ARIH1: variants seen among roughly 807,000 people sequenced by gnomAD.
ARIH1 encodes the protein E3 ubiquitin-protein ligase ARIH1.
ARIH1 carries 8 observed loss-of-function variants against 85.0 expected under a neutral mutation model. That is an observed-to-expected ratio of 0.09 (90% confidence interval 0.06 to 0.17). The LOEUF is 0.17. ARIH1 is among the 10% of genes least tolerant of loss of function. The probability of loss-of-function intolerance (pLI) is 1.00; values close to 1 mark genes in which losing one functional copy is unlikely to be tolerated. For synonymous variants in ARIH1, 238 were observed against 253.6 expected (o/e 0.94, Z 0.59); for missense variants, 311 against 718.1 (o/e 0.43, Z 6.48).
In ARIH1 at chr15:72,597,591, A is replaced by T. The variant is rs1324884756; in HGVS notation, c.*14299A>T. On this transcript the variant is annotated 3_prime_UTR_variant, in exon 14 of 14. Transcript: ENST00000379887. ...AAGAGTGCCTCTGTTGGATTTCACA[A>T]CAATCCTGCCTCCCCTTTCATTTTT... is the stretch of plus-strand genomic sequence containing the variant. 1 of 152,132 alleles carries T rather than the reference A, an allele frequency of 6.6e-6. No individual in the cohort carries two copies. Among genetic ancestry groups the T allele is most frequent in the Non-Finnish European group, 1.5e-5 (1 of 68,024 alleles). The allele number at this position is 152,132 out of a possible 1,614,324, so 9.4% of individuals were successfully genotyped here.
intron 11 of ARIH1, among the ~76,000 whole-genome samples, chr15:72,578,436 C>G (rs766807295): frequency 1.3e-5 from 2 of 152,128 alleles, no homozygotes; most frequent in Non-Finnish European, 2.9e-5. Flanking sequence ...ACATTTCTCT[C>G]AATGTGAATG....
chr15:72,527,500 C>T (rs907969062), intron 2 of ARIH1, among the ~76,000 whole-genome samples: 3 of 150,934 alleles, frequency 2.0e-5, no homozygotes, highest in Non-Finnish European at 2.9e-5. Context: ...GTTTACCTTG[C>T]TAGCTTTTTT....
intron 2 of ARIH1, among the ~76,000 whole-genome samples, chr15:72,534,097 A>G (rs1175485057): frequency 6.6e-6 from 1 of 152,176 alleles, no homozygotes; most frequent in Non-Finnish European, 1.5e-5. Context: ...TCTTAAAAAC[A>G]TAGTGAAAAG....
chr15:72,534,209 G>A (rs923372248), intron 2 of ARIH1, among the ~76,000 whole-genome samples: 10 of 152,126 alleles, frequency 6.6e-5, no homozygotes, highest in South Asian at 2.1e-4. Flanking sequence ...GTGTGTTTAG[G>A]TGGTGTAGCT....
rs528066177 is a variant in ARIH1 at position 72,568,217 on chromosome 15, A to G, written c.1026+1040A>G. Among the ~76,000 whole-genome samples, 327 of 152,302 alleles carry G rather than the reference A, an allele frequency of 2.1e-3. 2 individuals carry two copies. The highest frequency in any genetic ancestry group is 7.5e-3 in the African/African-American group (313 of 41,550). ...AATCAAAGAAAACCTTACTATAAAT[A>G]TACTGTAATGTCAGAAAGTGGTTAC... On this transcript the variant is annotated intron_variant, in intron 9 of 13. Transcript: ENST00000379887.
At chr15:72,538,537 C>T (rs968864270) in intron 2 of ARIH1, among the ~76,000 whole-genome samples, 4 of 152,142 alleles carry the variant, frequency 2.6e-5, no homozygotes, top group East Asian at 1.9e-4. Flanking sequence ...ATTAAATATT[C>T]GAATGGCAGT....
intron 2 of ARIH1, among the ~76,000 whole-genome samples, chr15:72,528,097 C>A (rs996321885): frequency 5.3e-5 from 8 of 152,026 alleles, no homozygotes; most frequent in Admixed American, 3.3e-4. Context: ...GTCTTTCTTG[C>A]AGCTCAGATT....
chr15:72,531,603 C>A (rs967294759), intron 2 of ARIH1, among the ~76,000 whole-genome samples: 2 of 151,994 alleles, frequency 1.3e-5, no homozygotes, highest in African/African-American at 4.8e-5. Context: ...AGTAAAACTA[C>A]AAAATCAGCA....
In ARIH1 at chr15:72,475,775, ACT is replaced by A. The variant is rs779005814; in HGVS notation, c.375+764_375+765del. Reference sequence around the variant, plus strand: ...GCAGTGTTGTCTAATATTGGACAAGACTCTATTGTGAGTTAGAAAGCAGAGGT... The same window carrying A: ...GCAGTGTTGTCTAATATTGGACAAGACTATTGTGAGTTAGAAAGCAGAGGT... On this transcript the variant is annotated intron_variant, in intron 1 of 13. Transcript: ENST00000379887. Among the ~76,000 whole-genome samples, 67 of 152,186 alleles carry A rather than the reference ACT, an allele frequency of 4.4e-4. 1 individual carries two copies. The Middle Eastern group carries it at 0.014, about 31-fold the overall frequency.
chr15:72,496,190 CA>C lies in ARIH1; in HGVS notation c.375+21177del, dbSNP rs1248422624. ...AAGTGTTGGGATTACAAGCTTGAGC[CA>C]CTGTGCCTGGCCATAGTTTTGTATA... On this transcript the variant is annotated intron_variant, in intron 1 of 13. Coordinates refer to ENST00000379887, the MANE Select transcript of ARIH1 (RefSeq NM_005744.5). 3.3e-5 allele frequency among the ~76,000 whole-genome samples: 5 copies of C among 152,268 alleles called. No homozygotes were observed. The South Asian group carries it at 8.3e-4, about 25-fold the overall frequency.
intron 3 of ARIH1, among the ~76,000 whole-genome samples, chr15:72,549,380 G>A (rs946309991): frequency 6.6e-6 from 1 of 152,030 alleles, no homozygotes; most frequent in Non-Finnish European, 1.5e-5. Context: ...GAGCCGCCAC[G>A]GCCAGCCAGT....
At chr15:72,499,651 T>C (rs2063894794) in intron 1 of ARIH1, among the ~76,000 whole-genome samples, 1 of 152,198 alleles carries the variant, frequency 6.6e-6, no homozygotes, top group South Asian at 2.1e-4. Flanking sequence ...TTTTAACAGG[T>C]CTAATTTCAA....
chr15:72,512,116 T>G (rs909730226), intron 1 of ARIH1, among the ~76,000 whole-genome samples: 50 of 152,208 alleles, frequency 3.3e-4, no homozygotes, highest in African/African-American at 1.1e-3. Flanking sequence ...GTAGTAATTT[T>G]CTTGAAATGT....
intron 5 of ARIH1, among the ~76,000 whole-genome samples, chr15:72,556,793 C>T (rs146106507): frequency 6.6e-6 from 1 of 152,184 alleles, no homozygotes; most frequent in African/African-American, 2.4e-5. Context: ...ATTTAGCTCT[C>T]ACTTATAAAT....
intron 1 of ARIH1, among the ~76,000 whole-genome samples, chr15:72,507,004 GTA>G (rs2140404726): frequency 7.2e-6 from 1 of 139,410 alleles, no homozygotes; most frequent in East Asian, 2.3e-4. Context: ...ATGTATGTAT[GTA>G]TGTATGTATG....
At chr15:72,489,898 T>C (rs1595850410) in intron 1 of ARIH1, among the ~76,000 whole-genome samples, 2 of 152,290 alleles carry the variant, frequency 1.3e-5, no homozygotes, top group East Asian at 3.9e-4. Flanking sequence ...CCAGTTGGTT[T>C]TTAGGAAAGG....
intron 1 of ARIH1, among the ~76,000 whole-genome samples, chr15:72,501,789 A>G (rs2063905168): frequency 6.6e-6 from 1 of 152,230 alleles, no homozygotes; most frequent in African/African-American, 2.4e-5. Flanking sequence ...GAGGTGGTCT[A>G]TATTTATGGT....
At chr15:72,564,615 A>T (rs2064211343) in intron 7 of ARIH1, among the ~76,000 whole-genome samples, 1 of 152,088 alleles carries the variant, frequency 6.6e-6, no homozygotes, top group Non-Finnish European at 1.5e-5. Flanking sequence ...CAGCACCCTC[A>T]CTTCTTGGTA....
At chr15:72,549,968 C>T (rs767927819) in intron 3 of ARIH1, among the ~76,000 whole-genome samples, 5 of 151,928 alleles carry the variant, frequency 3.3e-5, no homozygotes, top group Middle Eastern at 3.4e-3. Context: ...TATGAGGAAA[C>T]GAATATATCA....
Sources: allele counts gnomAD v4.1 joint callset (sites outside exome capture counted in the v4.1 genomes callset), GRCh38; gene constraint gnomAD v4.1.1; transcripts MANE v1.5; gene names NCBI Gene and HGNC (gene_info 2026-07-23, HGNC 2026-07-21).